CNTN5: variants seen among roughly 807,000 people sequenced by gnomAD.
The protein encoded by CNTN5 is contactin-5.
Under a neutral mutation model 129.1 loss-of-function variants are expected in CNTN5, and 77 were observed. The observed-to-expected ratio is 0.60, with a 90% CI of 0.50 to 0.72. The LOEUF is 0.72. Among genes scored for constraint, CNTN5 ranks in the 30% least tolerant of loss-of-function variants. The pLI is 0.00. For missense variants in CNTN5, 1,478 were observed against 1,328.8 expected, an observed-to-expected ratio of 1.11 and a Z score of -1.75; for synonymous variants, 509 against 465.6, an observed-to-expected ratio of 1.09 and a Z score of -1.20.
chr11:99,890,385 TTA>T (rs375073490), intron 6 of CNTN5, among the ~76,000 whole-genome samples: 5 of 151,464 alleles, frequency 3.3e-5, no homozygotes, highest in African/African-American at 1.2e-4. Flanking sequence ...TCTCTCTTCC[TTA>T]TATATATATA....
At chr11:99,552,837 T>C (rs1408984266) in intron 2 of CNTN5, among the ~76,000 whole-genome samples, 2 of 152,182 alleles carry the variant, frequency 1.3e-5, no homozygotes, top group Non-Finnish European at 2.9e-5. Flanking sequence ...CCTCTCTCTC[T>C]CTCTTAATTT....
chr11:99,318,547 T>A (rs957571340), intron 1 of CNTN5, among the ~76,000 whole-genome samples: 4 of 151,778 alleles, frequency 2.6e-5, no homozygotes, highest in Admixed American at 6.6e-5. Flanking sequence ...GAGAATTATT[T>A]TTTTTTTTTG....
intron 2 of CNTN5, among the ~76,000 whole-genome samples, chr11:99,355,822 T>TTG (rs1555119042): frequency 6.3e-4 from 84 of 133,104 alleles, no homozygotes; most frequent in African/African-American, 2.2e-3. Flanking sequence ...TTTTTTTTTG[T>TTG]TTTTTTTTTT....
intron 3 of CNTN5, among the ~76,000 whole-genome samples, chr11:99,710,456 C>T (rs115509640): frequency 3.1e-3 from 475 of 151,820 alleles, no homozygotes; most frequent in African/African-American, 0.011. Flanking sequence ...CCTGTTGTTG[C>T]ATCTGAATCT....
chr11:99,306,780 A>G (rs1180353287), intron 1 of CNTN5, among the ~76,000 whole-genome samples: 1 of 123,358 alleles, frequency 8.1e-6, no homozygotes, highest in Non-Finnish European at 1.8e-5. Flanking sequence ...AATAATAATA[A>G]TAATTTATTG....
At chr11:99,040,998 G>T (rs1863964355) in intron 1 of CNTN5, among the ~76,000 whole-genome samples, 1 of 152,070 alleles carries the variant, frequency 6.6e-6, no homozygotes, top group Non-Finnish European at 1.5e-5. Context: ...TAAACCAAAT[G>T]TATTAAGAGA....
intron 13 of CNTN5, among the ~76,000 whole-genome samples, chr11:100,115,085 T>A (rs1945795003): frequency 8.5e-6 from 1 of 118,056 alleles, no homozygotes; most frequent in Admixed American, 1.2e-4. Context: ...AAGGACTACA[T>A]GAATTTTCTA....
rs572422809 is a variant in CNTN5 at position 99,232,194 on chromosome 11, A to G, written c.-209-93152A>G. ...TTCTCTAATTTGGGGAAGAATGTCA[A>G]TGGTCGTTTAATGGGAATCGCACTG... On this transcript the variant is annotated intron_variant, in intron 1 of 24. Coordinates refer to ENST00000524871, the MANE Select transcript of CNTN5 (RefSeq NM_014361.4). 4.6e-5 allele frequency among the ~76,000 whole-genome samples: 7 copies of G among 152,074 alleles called. No individual in the cohort carries two copies. In the East Asian group the frequency reaches 9.6e-4, roughly 21 times the overall value.
chr11:100,227,800 T>C (rs540889928), intron 16 of CNTN5, among the ~76,000 whole-genome samples: 5 of 152,278 alleles, frequency 3.3e-5, no homozygotes, highest in African/African-American at 7.2e-5. Flanking sequence ...AATACTGCTA[T>C]AGGGAACCTT....
chr11:100,161,747 T>G (rs772386207), intron 13 of CNTN5, among the ~76,000 whole-genome samples: 3 of 151,038 alleles, frequency 2.0e-5, no homozygotes, highest in Non-Finnish European at 4.4e-5. Flanking sequence ...GGTTATTAAT[T>G]TTAGTAAAAG....
At chr11:100,035,988 A>C (rs1204786441) in intron 9 of CNTN5, among the ~76,000 whole-genome samples, 1 of 151,992 alleles carries the variant, frequency 6.6e-6, no homozygotes, top group Non-Finnish European at 1.5e-5. Flanking sequence ...CCCATATGTC[A>C]ATTTTGGCTT....
At chr11:99,876,837 A>G (rs1948644677) in intron 6 of CNTN5, among the ~76,000 whole-genome samples, 1 of 152,192 alleles carries the variant, frequency 6.6e-6, no homozygotes, top group Non-Finnish European at 1.5e-5. Context: ...AGAGAATATG[A>G]TTGAACTCCA....
intron 1 of CNTN5, among the ~76,000 whole-genome samples, chr11:99,091,743 G>C (rs940686059): frequency 6.6e-6 from 1 of 152,164 alleles, no homozygotes; most frequent in Non-Finnish European, 1.5e-5. Flanking sequence ...TTAGCTAAAG[G>C]CTGGTTGGCA....
chr11:99,366,789 A>G (rs1939471152), intron 2 of CNTN5, among the ~76,000 whole-genome samples: 1 of 152,122 alleles, frequency 6.6e-6, no homozygotes, highest in African/African-American at 2.4e-5. Flanking sequence ...TTTGTGTCAA[A>G]ATATCTCGCC....
intron 1 of CNTN5, among the ~76,000 whole-genome samples, chr11:99,030,843 C>T (rs1411213519): frequency 2.1e-5 from 3 of 145,352 alleles, no homozygotes; most frequent in Middle Eastern, 3.7e-3. Context: ...TGCAGTGGCG[C>T]GATCTCGGTT....
chr11:99,524,171 G>A (rs1947396976), intron 2 of CNTN5, among the ~76,000 whole-genome samples: 1 of 152,086 alleles, frequency 6.6e-6, no homozygotes, highest in Non-Finnish European at 1.5e-5. Flanking sequence ...GCAGAAAATG[G>A]TCAATCACAG....
chr11:99,921,244 C>G (rs1949931437), intron 7 of CNTN5, among the ~76,000 whole-genome samples: 1 of 152,066 alleles, frequency 6.6e-6, no homozygotes, highest in South Asian at 2.1e-4. Context: ...CTTGGAGAAC[C>G]CTCGCCATTT....
intron 1 of CNTN5, among the ~76,000 whole-genome samples, chr11:99,173,025 C>A (rs1857607388): frequency 6.6e-6 from 1 of 152,138 alleles, no homozygotes; most frequent in Admixed American, 6.5e-5. Context: ...TGGCAGCAGG[C>A]AAAGAGAGAG....
chr11:99,304,965 G>T (rs1330526844), intron 1 of CNTN5, among the ~76,000 whole-genome samples: 1 of 152,162 alleles, frequency 6.6e-6, no homozygotes, highest in Non-Finnish European at 1.5e-5. Context: ...AGATATATCT[G>T]TTAGCCCACA....
Sources: gnomAD v4.1 joint callset for allele counts (sites outside exome capture counted in the v4.1 genomes callset) on GRCh38, gnomAD v4.1.1 for gene constraint, MANE v1.5 for transcripts, NCBI Gene and HGNC (gene_info 2026-07-23, HGNC 2026-07-21) for gene names.